The following LARP4B variants were observed in gnomAD, a reference collection of about 807,000 sequenced individuals.
LARP4B encodes la-related protein 4B.
In LARP4B, 12 loss-of-function variants were observed where a neutral mutation model predicts 89.8. The ratio of observed to expected loss-of-function variants is 0.13; its 90% CI spans 0.09 to 0.22. The LOEUF is 0.22. Ranked by LOEUF, LARP4B falls within the 10% of genes least tolerant of loss-of-function variation. The pLI is 1.00. For missense variants in LARP4B, 757 were observed against 947.7 expected, an observed-to-expected ratio of 0.80 and a Z score of 2.64; for synonymous variants, 367 against 363.3, an observed-to-expected ratio of 1.01 and a Z score of -0.12.
chr10:932,019 GC>G (rs1316510951), upstream of LARP4B, among the ~76,000 whole-genome samples: 13 of 147,922 alleles, frequency 8.8e-5, no homozygotes, highest in Non-Finnish European at 1.6e-4. Context: ...CGCGACCGGA[GC>G]GCCTGACGCT....
chr10:825,055 A>T lies in LARP4B; in HGVS notation c.1484+10T>A, dbSNP rs746027286. 6.2e-7 allele frequency: 1 copy of T among 1,612,004 alleles called. No individual in the cohort carries two copies. The highest frequency in any genetic ancestry group is 8.5e-7 in the Non-Finnish European group (1 of 1,178,344). ...TTATGATGTTACACAGTAACTGCTC[A>T]ACAACTCACCTTCCCCTCCCTAAAC... On this transcript the variant is annotated intron_variant, in intron 13 of 17. Coordinates refer to ENST00000316157, the MANE Select transcript of LARP4B (RefSeq NM_015155.3).
chr10:847,293 A>T (rs1023905906), intron 5 of LARP4B, among the ~76,000 whole-genome samples: 1 of 152,160 alleles, frequency 6.6e-6, no homozygotes, highest in Non-Finnish European at 1.5e-5. Context: ...GACACTGAGG[A>T]GCAAAGACAA....
At chr10:872,019 C>T (rs1287082014) in intron 3 of LARP4B, among the ~76,000 whole-genome samples, 1 of 152,220 alleles carries the variant, frequency 6.6e-6, no homozygotes, top group African/African-American at 2.4e-5. Context: ...TGATCCATCT[C>T]ACTTCCTACT....
chr10:960,182 G>A, the LARP4B span, among the ~76,000 whole-genome samples: 8 of 152,292 alleles, frequency 5.3e-5, no homozygotes, highest in South Asian at 2.1e-4. Flanking sequence ...TGGAAAAGGC[G>A]GAACTGGGGA....
intron 1 of LARP4B, among the ~76,000 whole-genome samples, chr10:909,004 C>T (rs1836578532): frequency 1.3e-5 from 2 of 152,004 alleles, no homozygotes; most frequent in South Asian, 4.1e-4. Context: ...CTATGAAATT[C>T]CAAGTTGCGG....
intron 1 of LARP4B, among the ~76,000 whole-genome samples, chr10:909,512 C>G (rs1836607188): frequency 6.6e-6 from 1 of 152,012 alleles, no homozygotes; most frequent in South Asian, 2.1e-4. Flanking sequence ...AGACCGGGCT[C>G]TGTGGCTCAT....
At chr10:978,842 T>C in the LARP4B span, among the ~76,000 whole-genome samples, 9 of 152,254 alleles carry the variant, frequency 5.9e-5, no homozygotes, top group Non-Finnish European at 5.9e-5. Flanking sequence ...TTTCTCAGTG[T>C]TCCTTTGTCT....
In LARP4B at chr10:814,416, T is replaced by A; in HGVS notation, c.1929+326A>T. 2 of 399,028 alleles carry A rather than the reference T, an allele frequency of 5.0e-6. No individual in the cohort carries two copies. The highest frequency in any genetic ancestry group is 4.3e-5 in the South Asian group (2 of 46,888). 24.7% of individuals were successfully genotyped at this position (399,028 alleles called of 1,614,324 possible). A position where few individuals can be genotyped will look rare whatever the true frequency, so the allele number is the denominator to read the frequency against. ...CGATGCGCGCGCACGCACGCAAACATACACACACGCGCGAAATGCTGAAAT... is the reference window on the plus strand; with the variant it reads ...CGATGCGCGCGCACGCACGCAAACAAACACACACGCGCGAAATGCTGAAAT... On this transcript the variant is annotated intron_variant, in intron 17 of 17. Transcript: ENST00000316157. This position sits in a 1 kb window ranked among gnomAD's most constrained non-coding sequence, Gnocchi z 4.4.
chr10:852,904 T>C (rs1303103340), intron 5 of LARP4B, among the ~76,000 whole-genome samples: 1 of 152,142 alleles, frequency 6.6e-6, no homozygotes, highest in Non-Finnish European at 1.5e-5. Flanking sequence ...ATAAACTGGA[T>C]AAAAGATGTA....
At chr10:825,947 G>C (rs1832600081) in intron 11 of LARP4B, 77 bp from the exon 12 acceptor site, 20 of 918,702 alleles carry the variant, frequency 2.2e-5, no homozygotes, top group Non-Finnish European at 3.4e-5. Context: ...CAAATCTGTG[G>C]AAACTGAGGG....
chr10:862,416 T>C (rs1056978732), intron 5 of LARP4B, among the ~76,000 whole-genome samples: 2 of 152,008 alleles, frequency 1.3e-5, no homozygotes, highest in Non-Finnish European at 2.9e-5. Flanking sequence ...CCCTGCCCAG[T>C]GCATTCCCTG....
At position 931,473 on chromosome 10, in the gene LARP4B, C is replaced by T. The variant is rs2132075925; in HGVS notation, c.-85G>A. 6.7e-6 allele frequency: 1 copy of T among 148,492 alleles called. No individual in the cohort carries two copies. The highest frequency in any genetic ancestry group is 2.0e-4 in the East Asian group (1 of 5,060). The allele number at this position is 148,492 out of a possible 1,614,324, so 9.2% of individuals were successfully genotyped here. A position where few individuals can be genotyped will look rare whatever the true frequency, so the allele number is the denominator to read the frequency against. ...CCCGACCGGCCGCCCGCGGGCTCCT[C>T]GCCTCAACCCCGGGGCCCGGCGGCC... On this transcript the variant is annotated 5_prime_UTR_variant, in exon 1 of 18. Coordinates refer to ENST00000316157, the MANE Select transcript of LARP4B (RefSeq NM_015155.3).
chr10:815,249 G>T, intron 15 of LARP4B, 179 bp from the exon 16 acceptor site: 1 of 516,180 alleles, frequency 1.9e-6, no homozygotes, highest in Non-Finnish European at 3.1e-6. Flanking sequence ...CCCACAGATC[G>T]CCCACCCTTC....
At chr10:951,278 G>A in the LARP4B span, among the ~76,000 whole-genome samples, 8 of 152,108 alleles carry the variant, frequency 5.3e-5, no homozygotes, top group South Asian at 2.1e-4. Flanking sequence ...GCCGGGTGCC[G>A]TGGCTCATGC....
intron 1 of LARP4B, among the ~76,000 whole-genome samples, chr10:913,237 G>A (rs1385706370): frequency 1.3e-5 from 2 of 152,158 alleles, no homozygotes; most frequent in Non-Finnish European, 2.9e-5. Context: ...TAAAGGAGGG[G>A]GGGAATTATT....
At chr10:961,369 C>T in the LARP4B span, among the ~76,000 whole-genome samples, 3 of 152,250 alleles carry the variant, frequency 2.0e-5, no homozygotes, top group South Asian at 4.1e-4. Context: ...GGTGAGGCCT[C>T]GGGAAGGTCC....
chr10:956,419 C>T, the LARP4B span, among the ~76,000 whole-genome samples: 2 of 151,862 alleles, frequency 1.3e-5, no homozygotes, highest in African/African-American at 2.4e-5. This position sits in a 1 kb window ranked among gnomAD's most constrained non-coding sequence, Gnocchi z 4.3. Flanking sequence ...GATCTCGGCT[C>T]ACTGCAAGGT....
chr10:851,747 A>G (rs1038963264), intron 5 of LARP4B, among the ~76,000 whole-genome samples: 1 of 152,204 alleles, frequency 6.6e-6, no homozygotes, highest in Non-Finnish European at 1.5e-5. Flanking sequence ...AATAAACTGT[A>G]GTTGAAAGCT....
At chr10:874,274 C>T (rs963964001) in intron 3 of LARP4B, among the ~76,000 whole-genome samples, 2 of 151,134 alleles carry the variant, frequency 1.3e-5, no homozygotes, top group African/African-American at 4.9e-5. Flanking sequence ...TCGAATGTGG[C>T]GATGGGTAAT....
Sources: allele counts gnomAD v4.1 joint callset (sites outside exome capture counted in the v4.1 genomes callset), GRCh38; gene constraint gnomAD v4.1.1; non-coding constraint Gnocchi (gnomAD v3.1); transcripts MANE v1.5; gene names NCBI Gene and HGNC (gene_info 2026-07-23, HGNC 2026-07-21).